INPP5A: variants seen among roughly 807,000 people sequenced by gnomAD.
INPP5A encodes the protein inositol polyphosphate-5-phosphatase A.
A neutral mutation model predicts 65.2 loss-of-function variants in INPP5A; 14 were observed. The ratio of observed to expected loss-of-function variants is 0.21; its 90% CI spans 0.14 to 0.34. The LOEUF (loss-of-function observed/expected upper bound fraction) is 0.34. Ranked by LOEUF, INPP5A falls within the 10% of genes least tolerant of loss-of-function variation. The pLI is 1.00. For synonymous variants in INPP5A, 207 were observed against 208.3 expected (o/e 0.99, Z 0.05); for missense variants, 431 against 545.6 (o/e 0.79, Z 2.09).
chr10:132,774,234 A>C (rs2803982), intron 12 of INPP5A, among the ~76,000 whole-genome samples: 3,355 of 152,256 alleles, frequency 0.022, 60 homozygotes, highest in Admixed American at 0.034. Flanking sequence ...CAGCATTGCC[A>C]GTGGTGCCTG....
intron 3 of INPP5A, among the ~76,000 whole-genome samples, chr10:132,648,418 A>T (rs1029513854): frequency 2.0e-5 from 3 of 152,254 alleles, no homozygotes; most frequent in Non-Finnish European, 4.4e-5. Flanking sequence ...TTTTTAAAAG[A>T]TTAAGACGTG....
At chr10:132,699,189 G>A (rs1845395594) in intron 6 of INPP5A, among the ~76,000 whole-genome samples, 1 of 152,178 alleles carries the variant, frequency 6.6e-6, no homozygotes, top group Non-Finnish European at 1.5e-5. Flanking sequence ...CCCATCGGAA[G>A]GGCAGGGCGG....
In INPP5A at chr10:132,589,822, G is replaced by A. The variant is rs142728152; in HGVS notation, c.76-18093G>A. Among the ~76,000 whole-genome samples the A allele has an allele frequency of 4.3e-3, 648 of 152,348 alleles. 5 individuals are homozygous for A. Among genetic ancestry groups the A allele is most frequent in the African/African-American group, 0.015 (616 of 41,584 alleles). On this transcript the variant is annotated intron_variant, in intron 1 of 15. Transcript: ENST00000368594. The stretch of plus-strand genomic sequence containing the variant: ...CACTCTCGCCCTGTGCAGACCAGCA[G>A]TGCGAGGGGTGTTGTGGGGTTAGGG...
At position 132,676,116 on chromosome 10, in the gene INPP5A, G is replaced by A. The variant is rs1413577427; in HGVS notation, c.307-14276G>A. ...ATAACAAATTTCATAATTAAAACTA[G>A]TTATTTTAAGACTGATATTTTTCTT... On this transcript the variant is annotated intron_variant, in intron 4 of 15. Coordinates refer to ENST00000368594, the MANE Select transcript of INPP5A (RefSeq NM_005539.5). This position sits in a 1 kb window ranked among gnomAD's most constrained non-coding sequence, Gnocchi z 4.0. 6.6e-6 allele frequency among the ~76,000 whole-genome samples: 1 copy of A among 152,044 alleles called. No homozygotes were observed. The highest frequency in any genetic ancestry group is 1.5e-5 in the Non-Finnish European group (1 of 68,014).
At chr10:132,595,349 A>C (rs892903232) in intron 1 of INPP5A, among the ~76,000 whole-genome samples, 13 of 151,918 alleles carry the variant, frequency 8.6e-5, no homozygotes, top group Non-Finnish European at 1.8e-4. Flanking sequence ...ATTTTTTTAG[A>C]GTATAAGTGT....
intron 2 of INPP5A, among the ~76,000 whole-genome samples, chr10:132,631,000 A>G (rs2072265535): frequency 6.6e-6 from 1 of 152,154 alleles, no homozygotes; most frequent in South Asian, 2.1e-4. Context: ...GCATGTGGTC[A>G]GTGTGGTAGA....
At chr10:132,671,654 C>G (rs535843639) in intron 4 of INPP5A, among the ~76,000 whole-genome samples, 2 of 152,206 alleles carry the variant, frequency 1.3e-5, no homozygotes, top group Non-Finnish European at 1.5e-5. Context: ...GGAAGCAGCA[C>G]CAACACCTCC....
At chr10:132,721,840 T>C (rs1845889945) in intron 8 of INPP5A, among the ~76,000 whole-genome samples, 1 of 152,156 alleles carries the variant, frequency 6.6e-6, no homozygotes, top group Non-Finnish European at 1.5e-5. Context: ...GATGGCTGTC[T>C]TGCCTGCGTC....
chr10:132,665,406 A>T (rs1294887657), intron 4 of INPP5A, among the ~76,000 whole-genome samples: 1 of 152,264 alleles, frequency 6.6e-6, no homozygotes, highest in Non-Finnish European at 1.5e-5. Context: ...TGATATTAAG[A>T]TTCGGGGTAT....
intron 8 of INPP5A, among the ~76,000 whole-genome samples, chr10:132,717,740 C>A (rs1278790023): frequency 1.4e-5 from 2 of 147,078 alleles, no homozygotes; most frequent in Admixed American, 1.3e-4. Flanking sequence ...AGACAGCTGT[C>A]TTCAGGGTTC....
At chr10:132,712,450 T>G (rs1845657719) in intron 8 of INPP5A, among the ~76,000 whole-genome samples, 1 of 150,894 alleles carries the variant, frequency 6.6e-6, no homozygotes, top group Non-Finnish European at 1.5e-5. Context: ...TGGGTGTGTG[T>G]GGGTGCATGT....
chr10:132,566,480 C>T (rs1484287167), intron 1 of INPP5A, among the ~76,000 whole-genome samples: 3 of 152,158 alleles, frequency 2.0e-5, no homozygotes, highest in South Asian at 2.1e-4. Flanking sequence ...GAAACCATCT[C>T]GGCTTAGGAC....
At chr10:132,624,405 G>A (rs539055405) in intron 2 of INPP5A, among the ~76,000 whole-genome samples, 5 of 152,302 alleles carry the variant, frequency 3.3e-5, no homozygotes, top group South Asian at 2.1e-4. Flanking sequence ...GCTTCACACC[G>A]GCGCGCCCTC....
At chr10:132,769,283 A>AT (rs1202309955) in intron 12 of INPP5A, among the ~76,000 whole-genome samples, 1 of 152,260 alleles carries the variant, frequency 6.6e-6, no homozygotes, top group African/African-American at 2.4e-5. Flanking sequence ...CTTAACTAAA[A>AT]GCACGGTTCT....
intron 1 of INPP5A, among the ~76,000 whole-genome samples, chr10:132,554,486 G>A (rs1007236301): frequency 2.6e-5 from 4 of 152,164 alleles, no homozygotes; most frequent in South Asian, 4.1e-4. Context: ...ACTGAGAGGC[G>A]GGAAATAGGT....
At chr10:132,688,164 G>A (rs538601258) in intron 4 of INPP5A, among the ~76,000 whole-genome samples, 16 of 152,324 alleles carry the variant, frequency 1.1e-4, no homozygotes, top group Admixed American at 9.8e-4. Flanking sequence ...GCTGACCCAG[G>A]GGCCCAGGGG....
At position 132,616,223 on chromosome 10, in the gene INPP5A, G is replaced by A. The variant is rs2072030913; in HGVS notation, c.117+8267G>A. ...GGCCCTGAAAGAACCACAGGGTGGC[G>A]TGGGAGGCAGCTGCAGTGGGAGGTG... is the stretch of plus-strand genomic sequence containing the variant. On this transcript the variant is annotated intron_variant, in intron 2 of 15. Coordinates refer to ENST00000368594, the MANE Select transcript of INPP5A (RefSeq NM_005539.5). This position sits in a 1 kb window ranked among gnomAD's most constrained non-coding sequence, Gnocchi z 4.9. Among the ~76,000 whole-genome samples, 1 of 152,362 alleles carries A rather than the reference G, an allele frequency of 6.6e-6. No individual in the cohort carries two copies. The highest frequency in any genetic ancestry group is 2.1e-4 in the South Asian group (1 of 4,830).
intron 1 of INPP5A, among the ~76,000 whole-genome samples, chr10:132,567,782 A>T (rs1437930069): frequency 6.6e-6 from 1 of 152,210 alleles, no homozygotes; most frequent in Non-Finnish European, 1.5e-5. Context: ...TGTTCTCTAC[A>T]TATAAAGCTT....
chr10:132,556,531 T>C (rs1369627394), intron 1 of INPP5A, among the ~76,000 whole-genome samples: 1 of 152,110 alleles, frequency 6.6e-6, no homozygotes, highest in East Asian at 1.9e-4. Flanking sequence ...CAGGTGCATA[T>C]GTACACACCA....
Sources: allele counts gnomAD v4.1 joint callset (sites outside exome capture counted in the v4.1 genomes callset), GRCh38; gene constraint gnomAD v4.1.1; non-coding constraint Gnocchi (gnomAD v3.1); transcripts MANE v1.5; gene names NCBI Gene and HGNC (gene_info 2026-07-23, HGNC 2026-07-21).